The following FAAH2 variants were observed in gnomAD, a reference collection of about 807,000 sequenced individuals.
The protein encoded by FAAH2 is fatty-acid amide hydrolase 2.
FAAH2 carries 60 observed loss-of-function variants against 36.9 expected under a neutral mutation model. The ratio of observed to expected loss-of-function variants is 1.63; its 90% CI spans 1.32 to 2.02. FAAH2 has a LOEUF of 2.02. Among genes scored for constraint, FAAH2 ranks in the 30% most tolerant of loss-of-function variants. The probability of loss-of-function intolerance (pLI) is 0.00; values close to 1 mark genes in which losing one functional copy is unlikely to be tolerated. For missense variants in FAAH2, 689 were observed against 397.5 expected, an observed-to-expected ratio of 1.73 and a Z score of -6.23; for synonymous variants, 214 against 143.8, an observed-to-expected ratio of 1.49 and a Z score of -3.49.
At chrX:57,371,157 G>A (rs1285513243) in intron 5 of FAAH2, among the ~76,000 whole-genome samples, 1 of 111,256 alleles carries the variant, frequency 9.0e-6, no homozygotes, top group African/African-American at 3.3e-5. Flanking sequence ...TCTTGCAAAG[G>A]TCTACTGCAT....
At chrX:57,191,622 G>A in the FAAH2 span, among the ~76,000 whole-genome samples, 6 of 111,716 alleles carry the variant, frequency 5.4e-5, no homozygotes, top group African/African-American at 1.3e-4. Context: ...ATAGTTTGAG[G>A]TCTCATTGAA....
the FAAH2 span, among the ~76,000 whole-genome samples, chrX:57,185,813 G>T: frequency 9.1e-6 from 1 of 109,996 alleles, no homozygotes; most frequent in Non-Finnish European, 1.9e-5. Context: ...GCAGCATTTG[G>T]TGTCTGTTTC....
At chrX:57,199,759 C>T in the FAAH2 span, among the ~76,000 whole-genome samples, 1 of 111,595 alleles carries the variant, frequency 9.0e-6, no homozygotes, top group East Asian at 2.8e-4. Context: ...TATCTAGGTG[C>T]TCCAGCACTG....
the FAAH2 span, among the ~76,000 whole-genome samples, chrX:57,140,275 G>T: frequency 9.1e-6 from 1 of 109,368 alleles, no homozygotes; most frequent in African/African-American, 3.3e-5. Context: ...CATATTATCT[G>T]CAAATAAAGA....
chrX:57,344,533 G>C (rs2053769751), intron 5 of FAAH2, among the ~76,000 whole-genome samples: 1 of 111,252 alleles, frequency 9.0e-6, no homozygotes, highest in African/African-American at 3.3e-5. Context: ...ATTGTCAGCA[G>C]AGAGAGATTG....
At chrX:57,455,465 A>G (rs144622904) in intron 10 of FAAH2, among the ~76,000 whole-genome samples, 4 of 110,954 alleles carry the variant, frequency 3.6e-5, no homozygotes, top group Non-Finnish European at 7.6e-5. Context: ...CCCTGAATGT[A>G]AAGGGTCTAA....
chrX:57,471,001 A>C (rs1328720199), intron 10 of FAAH2, among the ~76,000 whole-genome samples: 2 of 111,971 alleles, frequency 1.8e-5, no homozygotes, highest in African/African-American at 3.2e-5. Context: ...AAAACACATG[A>C]TTTTCTCAAT....
At chrX:57,391,070 A>T (rs1376291550) in intron 7 of FAAH2, among the ~76,000 whole-genome samples, 2 of 111,424 alleles carry the variant, frequency 1.8e-5, no homozygotes, top group Non-Finnish European at 3.8e-5. Flanking sequence ...TTCTCTGATG[A>T]CTAGTGATGT....
At chrX:57,210,992 C>G in the FAAH2 span, among the ~76,000 whole-genome samples, 1 of 111,780 alleles carries the variant, frequency 8.9e-6, no homozygotes, top group African/African-American at 3.2e-5. Flanking sequence ...ACACAGTTCC[C>G]TGTATAATAG....
chrX:57,462,249 T>C (rs1241976031), intron 10 of FAAH2, among the ~76,000 whole-genome samples: 2 of 109,514 alleles, frequency 1.8e-5, no homozygotes, highest in Non-Finnish European at 3.8e-5. Flanking sequence ...GTTGGTACTA[T>C]TCCTTCTGAA....
chrX:57,378,525 A>T, intron 5 of FAAH2, 126 bp from the exon 6 acceptor site: 1 of 853,711 alleles, frequency 1.2e-6, no homozygotes, highest in Non-Finnish European at 1.6e-6. Context: ...AATGAGATAT[A>T]AGAAGACCTG....
At chrX:57,388,878 C>A (rs200228493) in intron 7 of FAAH2, among the ~76,000 whole-genome samples, 2 of 110,342 alleles carry the variant, frequency 1.8e-5, no homozygotes, top group East Asian at 5.7e-4. Flanking sequence ...TTTATACTTG[C>A]TTCTTTCACA....
At chrX:57,487,030 G>C (rs1431619609) in intron 10 of FAAH2, among the ~76,000 whole-genome samples, 1 of 111,377 alleles carries the variant, frequency 9.0e-6, no homozygotes, top group Non-Finnish European at 1.9e-5. Context: ...GTTCAATGAA[G>C]AATTAATAGT....
At chrX:57,344,090 T>C (rs1208248635) in intron 5 of FAAH2, among the ~76,000 whole-genome samples, 1 of 110,858 alleles carries the variant, frequency 9.0e-6, no homozygotes, top group Non-Finnish European at 1.9e-5. Flanking sequence ...GCTGTTCAGA[T>C]GTATTATTGG....
chrX:57,476,396 T>C (rs2057268460), intron 10 of FAAH2, among the ~76,000 whole-genome samples: 1 of 111,503 alleles, frequency 9.0e-6, no homozygotes, highest in South Asian at 3.7e-4. Flanking sequence ...ATTGAGAGCT[T>C]TTAGCATGAA....
Position 57,331,608 on chromosome X carries a change from T to C in FAAH2, c.423T>C (p.Asn141=). 3.3e-6 allele frequency: 4 copies of C among 1,207,638 alleles called. No homozygotes were observed. Among genetic ancestry groups the C allele is most frequent in the Non-Finnish European group, 4.5e-6 (4 of 892,970 alleles). ...CTGTGACTCTTTTAGGAATGCCCAA[T>C]TCTTCTGGACTCATGAACCGTCGTG... is the stretch of plus-strand genomic sequence containing the variant. ...KEAFQLQGMP[N]SSGLMNRRDA... Residue 141 remains asparagine (N), a synonymous_variant, in exon 4 of 11, where the codon AAT becomes AAC. Transcript: ENST00000374900.
At chrX:57,400,020 G>A in intron 7 of FAAH2, among the ~76,000 whole-genome samples, 1 of 111,967 alleles carries the variant, frequency 8.9e-6, no homozygotes, top group South Asian at 3.8e-4. Flanking sequence ...ACCTCTAGAA[G>A]GTCCCCTCGA....
At chrX:57,402,065 G>T (rs745937710) in intron 7 of FAAH2, among the ~76,000 whole-genome samples, 1 of 111,528 alleles carries the variant, frequency 9.0e-6, no homozygotes, top group African/African-American at 3.3e-5. Context: ...CAATGTTCAG[G>T]AGACAGTTAA....
intron 10 of FAAH2, among the ~76,000 whole-genome samples, chrX:57,481,576 G>A (rs2057380329): frequency 5.4e-5 from 6 of 112,099 alleles, no homozygotes; most frequent in Admixed American, 4.7e-4. Context: ...GGAGGCTGTA[G>A]AACAGCAAAT....
Sources: allele counts gnomAD v4.1 joint callset (sites outside exome capture counted in the v4.1 genomes callset), GRCh38; gene constraint gnomAD v4.1.1; transcripts MANE v1.5; gene names NCBI Gene and HGNC (gene_info 2026-07-23, HGNC 2026-07-21).